Variants in ARB2A observed in about 807,000 individuals in gnomAD.
The protein encoded by ARB2A is cotranscriptional regulator ARB2A.
At chr5:93,962,322 G>A in the ARB2A span, among the ~76,000 whole-genome samples, 1 of 152,232 alleles carries the variant, frequency 6.6e-6, no homozygotes, top group East Asian at 1.9e-4. Context: ...TTGTAGTGAA[G>A]TTGTTAATTC....
the ARB2A span, among the ~76,000 whole-genome samples, chr5:93,742,407 A>G: frequency 6.6e-6 from 1 of 152,070 alleles, no homozygotes; most frequent in Non-Finnish European, 1.5e-5. Flanking sequence ...ACTCACCAAC[A>G]TCAGGCTCCT....
At chr5:93,955,857 C>T in the ARB2A span, among the ~76,000 whole-genome samples, 1 of 152,332 alleles carries the variant, frequency 6.6e-6, no homozygotes, top group Admixed American at 6.5e-5. Flanking sequence ...GCTCCTACCA[C>T]TGCCTCTTGG....
At chr5:93,970,919 G>GT in the ARB2A span, among the ~76,000 whole-genome samples, 1 of 152,012 alleles carries the variant, frequency 6.6e-6, no homozygotes, top group African/African-American at 2.4e-5. Flanking sequence ...ACACTACAAT[G>GT]TATCACAAAT....
chr5:94,110,591 C>A, the ARB2A span, among the ~76,000 whole-genome samples: 1 of 152,324 alleles, frequency 6.6e-6, no homozygotes, highest in Non-Finnish European at 1.5e-5. Context: ...CAAAAATACT[C>A]TCTTACTCAG....
At chr5:93,758,840 G>A in the ARB2A span, among the ~76,000 whole-genome samples, 1 of 152,088 alleles carries the variant, frequency 6.6e-6, no homozygotes, top group East Asian at 1.9e-4. Context: ...CAAGGAACTA[G>A]AGAAATAAGA....
At chr5:93,621,242 C>T in the ARB2A span, 13 of 930,050 alleles carry the variant, frequency 1.4e-5, no homozygotes, top group Non-Finnish European at 1.5e-5. Flanking sequence ...CGCCCCTCCC[C>T]GCCCCTCCCG....
chr5:93,887,940 A>G, the ARB2A span, among the ~76,000 whole-genome samples: 2 of 151,880 alleles, frequency 1.3e-5, no homozygotes, highest in Non-Finnish European at 2.9e-5. Context: ...GGCACACAAA[A>G]GGTGAAATTG....
At chr5:93,768,861 G>T in the ARB2A span, among the ~76,000 whole-genome samples, 2 of 151,904 alleles carry the variant, frequency 1.3e-5, no homozygotes, top group Non-Finnish European at 2.9e-5. Flanking sequence ...TGAGAGTACA[G>T]GTATGAGCCA....
the ARB2A span, among the ~76,000 whole-genome samples, chr5:93,962,073 G>T: frequency 6.6e-6 from 1 of 152,066 alleles, no homozygotes; most frequent in African/African-American, 2.4e-5. Context: ...TTGAACATAC[G>T]GCTGTTCCAA....
chr5:94,020,390 G>A, the ARB2A span, among the ~76,000 whole-genome samples: 3 of 152,066 alleles, frequency 2.0e-5, no homozygotes, highest in African/African-American at 4.8e-5. Flanking sequence ...AAACCTGCAC[G>A]TTCTGCACAT....
the ARB2A span, among the ~76,000 whole-genome samples, chr5:93,852,068 C>G: frequency 4.6e-4 from 68 of 148,654 alleles, no homozygotes; most frequent in Middle Eastern, 3.4e-3. Context: ...ACAGTCCCAA[C>G]AACAGTGTAA....
the ARB2A span, among the ~76,000 whole-genome samples, chr5:93,691,057 T>C: frequency 3.3e-5 from 5 of 151,898 alleles, no homozygotes; most frequent in Middle Eastern, 3.4e-3. Flanking sequence ...CATAAATCCA[T>C]AAAGATGAGG....
At chr5:93,951,948 A>G in the ARB2A span, among the ~76,000 whole-genome samples, 3 of 152,224 alleles carry the variant, frequency 2.0e-5, no homozygotes, top group African/African-American at 7.2e-5. Flanking sequence ...AGGTGTTGCA[A>G]CTTCAAGGGA....
the ARB2A span, among the ~76,000 whole-genome samples, chr5:93,839,639 A>G: frequency 6.6e-6 from 1 of 151,480 alleles, no homozygotes; most frequent in South Asian, 2.1e-4. Context: ...TTGGCTGTAG[A>G]TCATTCCGGT....
At chr5:93,636,172 A>G in the ARB2A span, among the ~76,000 whole-genome samples, 26,768 of 152,168 alleles carry the variant, frequency 0.18, 3,108 homozygotes, top group African/African-American at 0.31. Context: ...TCAAAAGCAT[A>G]TATCTTGCTT....
the ARB2A span, among the ~76,000 whole-genome samples, chr5:93,672,552 C>T: frequency 6.6e-6 from 1 of 152,096 alleles, no homozygotes; most frequent in Non-Finnish European, 1.5e-5. Flanking sequence ...TTGTGATCCA[C>T]CCGCCTCAGC....
chr5:94,047,805 T>C, the ARB2A span, among the ~76,000 whole-genome samples: 1 of 152,148 alleles, frequency 6.6e-6, no homozygotes, highest in Non-Finnish European at 1.5e-5. Flanking sequence ...ATAGATGATG[T>C]TGGAGGATAC....
the ARB2A span, among the ~76,000 whole-genome samples, chr5:93,638,665 CA>C: frequency 0.023 from 2,952 of 127,140 alleles, 81 homozygotes; most frequent in African/African-American, 0.069. Flanking sequence ...TACAAAAATA[CA>C]AAAAAAAAAA....
chr5:93,782,855 G>T, the ARB2A span, among the ~76,000 whole-genome samples: 1 of 152,008 alleles, frequency 6.6e-6, no homozygotes, highest in African/African-American at 2.4e-5. Flanking sequence ...GCTTCCCTAA[G>T]GCTTAATTGA....
Sources: gnomAD v4.1 joint callset for allele counts (sites outside exome capture counted in the v4.1 genomes callset) on GRCh38, gnomAD v4.1.1 for gene constraint, MANE v1.5 for transcripts, NCBI Gene and HGNC (gene_info 2026-07-23, HGNC 2026-07-21) for gene names.